SCAMP1: variants seen among roughly 807,000 people sequenced by gnomAD.
SCAMP1 encodes the protein secretory carrier-associated membrane protein 1.
SCAMP1 carries 15 observed loss-of-function variants against 41.8 expected under a neutral mutation model. The ratio of observed to expected loss-of-function variants is 0.36; its 90% confidence interval spans 0.24 to 0.55. SCAMP1 has a LOEUF of 0.55. SCAMP1 is among the 20% of genes least tolerant of loss of function. SCAMP1 has a pLI of 0.86. For synonymous variants in SCAMP1, 135 were observed against 136.8 expected, an observed-to-expected ratio of 0.99 and a Z score of 0.09; for missense variants, 341 against 412.6, an observed-to-expected ratio of 0.83 and a Z score of 1.50.
intron 1 of SCAMP1, among the ~76,000 whole-genome samples, chr5:78,366,189 G>A (rs1351654245): frequency 1.3e-5 from 2 of 150,540 alleles, no homozygotes; most frequent in Non-Finnish European, 3.0e-5. Flanking sequence ...TGTCGCCCAG[G>A]CTGGAGTGCA....
chr5:78,442,586 A>G (rs1454960947), intron 6 of SCAMP1, among the ~76,000 whole-genome samples: 2 of 152,190 alleles, frequency 1.3e-5, no homozygotes, highest in African/African-American at 4.8e-5. Context: ...AGCATAGCCT[A>G]TGTAATAGCT....
intron 6 of SCAMP1, among the ~76,000 whole-genome samples, chr5:78,422,426 G>T (rs1752360219): frequency 6.6e-6 from 1 of 151,700 alleles, no homozygotes; most frequent in Admixed American, 6.6e-5. Context: ...ATCCATTTTA[G>T]GTTTTTTCAA....
chr5:78,462,059 T>C (rs1379212578), intron 8 of SCAMP1, among the ~76,000 whole-genome samples: 3 of 152,252 alleles, frequency 2.0e-5, no homozygotes, highest in Non-Finnish European at 2.9e-5. Flanking sequence ...TGTAACAATA[T>C]TGATTCTTCT....
chr5:78,468,781 T>C (rs1753802610), intron 8 of SCAMP1, among the ~76,000 whole-genome samples: 1 of 152,160 alleles, frequency 6.6e-6, no homozygotes, highest in African/African-American at 2.4e-5. Context: ...CTGAATTGGG[T>C]CTATGATAGA....
chr5:78,459,942 G>A lies in SCAMP1; in HGVS notation c.852+580G>A, dbSNP rs532269041. Among the ~76,000 whole-genome samples the A allele has an allele frequency of 2.0e-5, 3 of 152,004 alleles. No individual in the cohort carries two copies. In the South Asian group the frequency reaches 6.2e-4, roughly 32 times the overall value. Reference sequence around the variant, plus strand: ...CCTCCCTTTTGGGTCCCCGGTGTCTGTTTCCATCTTTATGTCTGTGTGAAC... The same window carrying A: ...CCTCCCTTTTGGGTCCCCGGTGTCTATTTCCATCTTTATGTCTGTGTGAAC... On this transcript the variant is annotated intron_variant, in intron 8 of 8. Transcript: ENST00000621999.
chr5:78,425,818 G>A (rs79554171), intron 6 of SCAMP1, among the ~76,000 whole-genome samples: 7,379 of 152,178 alleles, frequency 0.048, 393 homozygotes, highest in East Asian at 0.3. Context: ...TGGGATACAT[G>A]CGCAGAATGT....
intron 1 of SCAMP1, among the ~76,000 whole-genome samples, chr5:78,375,800 A>G (rs1751050376): frequency 6.6e-6 from 1 of 152,178 alleles, no homozygotes. Context: ...CCAAATGGAC[A>G]AAAGTGAAAT....
At chr5:78,440,316 T>C (rs1487403717) in intron 6 of SCAMP1, among the ~76,000 whole-genome samples, 1 of 152,208 alleles carries the variant, frequency 6.6e-6, no homozygotes, top group Non-Finnish European at 1.5e-5. Flanking sequence ...GCTTTTCTGC[T>C]TTGGTTTCTC....
intron 2 of SCAMP1, among the ~76,000 whole-genome samples, chr5:78,391,452 G>C (rs1483258896): frequency 1.3e-5 from 2 of 151,312 alleles, no homozygotes; most frequent in Non-Finnish European, 3.0e-5. Flanking sequence ...CTGGCCTGGC[G>C]GGGGCTGACC....
chr5:78,451,190 G>A (rs1381755408), intron 7 of SCAMP1, among the ~76,000 whole-genome samples: 1 of 152,090 alleles, frequency 6.6e-6, no homozygotes, highest in Non-Finnish European at 1.5e-5. Flanking sequence ...GCTAATGAGG[G>A]TGCATACAGA....
At chr5:78,459,990 A>G (rs1753543954) in intron 8 of SCAMP1, among the ~76,000 whole-genome samples, 1 of 152,160 alleles carries the variant, frequency 6.6e-6, no homozygotes, top group Non-Finnish European at 1.5e-5. Flanking sequence ...TCCCACTTCT[A>G]AGTGAGAACA....
intron 6 of SCAMP1, among the ~76,000 whole-genome samples, chr5:78,436,883 G>C (rs189696400): frequency 4.3e-4 from 65 of 152,178 alleles, no homozygotes; most frequent in Non-Finnish European, 1.2e-4. Context: ...ATTTGTTTGT[G>C]CCCTCTTTTA....
chr5:78,389,523 C>A (rs1020621530), intron 2 of SCAMP1, among the ~76,000 whole-genome samples: 3 of 152,268 alleles, frequency 2.0e-5, no homozygotes, highest in African/African-American at 7.2e-5. Flanking sequence ...CCCACCTCAG[C>A]CTCCCAAAGT....
At chr5:78,414,214 T>C (rs978788397) in intron 2 of SCAMP1, among the ~76,000 whole-genome samples, 4 of 151,858 alleles carry the variant, frequency 2.6e-5, no homozygotes, top group African/African-American at 9.7e-5. Context: ...AATCTGTGTC[T>C]GTTGAAAAAA....
chr5:78,376,675 G>A (rs1751072391), intron 1 of SCAMP1, among the ~76,000 whole-genome samples: 1 of 152,132 alleles, frequency 6.6e-6, no homozygotes, highest in African/African-American at 2.4e-5. Context: ...GACATGAAAA[G>A]GTTTGTATTT....
At chr5:78,431,007 C>T (rs983486998) in intron 6 of SCAMP1, among the ~76,000 whole-genome samples, 1 of 151,934 alleles carries the variant, frequency 6.6e-6, no homozygotes, top group Non-Finnish European at 1.5e-5. Context: ...GATCTAAGGA[C>T]TCTTGGGGCC....
intron 5 of SCAMP1, among the ~76,000 whole-genome samples, 198 bp downstream of exon 5, chr5:78,419,101 C>G (rs565825917): frequency 6.6e-6 from 1 of 152,204 alleles, no homozygotes; most frequent in South Asian, 2.1e-4. Flanking sequence ...AAGTCCTTGG[C>G]TGAGAAAAAC....
At chr5:78,386,133 T>G (rs1751334571) in intron 1 of SCAMP1, among the ~76,000 whole-genome samples, 1 of 152,196 alleles carries the variant, frequency 6.6e-6, no homozygotes, top group African/African-American at 2.4e-5. Flanking sequence ...ATTTGGGACC[T>G]CCAGTGTTAG....
At chr5:78,457,728 C>G (rs58438223) in intron 7 of SCAMP1, 41,610 of 153,424 alleles carry the variant, frequency 0.27, 5,958 homozygotes, top group East Asian at 0.53. Context: ...TCGAGCTTCC[C>G]GGCTGCTTTG....
Sources: gnomAD v4.1 joint callset for allele counts (sites outside exome capture counted in the v4.1 genomes callset) on GRCh38, gnomAD v4.1.1 for gene constraint, MANE v1.5 for transcripts, NCBI Gene and HGNC (gene_info 2026-07-23, HGNC 2026-07-21) for gene names.